ZKSCAN7: variants seen among roughly 807,000 people sequenced by gnomAD.
ZKSCAN7 encodes zinc finger protein with KRAB and SCAN domains 7.
A neutral mutation model predicts 65.3 loss-of-function variants in ZKSCAN7; 38 were observed. The observed-to-expected ratio is 0.58, with a 90% CI of 0.45 to 0.76. The LOEUF (loss-of-function observed/expected upper bound fraction) is 0.76, where lower values mean the gene tolerates loss of function less well. ZKSCAN7 is among the 30% of genes least tolerant of loss of function. ZKSCAN7 has a pLI of 0.00. For missense variants in ZKSCAN7, 815 were observed against 913.3 expected (o/e 0.89, Z 1.39); for synonymous variants, 321 against 321.0 (o/e 1.00, Z 0.00).
chr3:44,562,980 A>C (rs940507667), intron 2 of ZKSCAN7, among the ~76,000 whole-genome samples: 2 of 146,254 alleles, frequency 1.4e-5, no homozygotes, highest in Admixed American at 6.7e-5. Flanking sequence ...AAAAAACAAA[A>C]AAAAAAAAAG....
At chr3:44,574,055 G>C (rs1029411095), downstream of ZKSCAN7, among the ~76,000 whole-genome samples, 1 of 152,070 alleles carries the variant, frequency 6.6e-6, no homozygotes. Flanking sequence ...TAGTTTTAAT[G>C]GTTTTTTAGT....
chr3:44,581,946 G>T (rs531151765), intron 5 of ZKSCAN7, among the ~76,000 whole-genome samples: 1 of 152,280 alleles, frequency 6.6e-6, no homozygotes, highest in South Asian at 2.1e-4. Context: ...ACTACAGAGC[G>T]TGCATTCCTG....
chr3:44,578,090 CA>C, intron 5 of ZKSCAN7: 1 of 1,577,968 alleles, frequency 6.3e-7, no homozygotes, highest in Non-Finnish European at 8.7e-7. Context: ...ATCCGGACAC[CA>C]TGGCACTGTC....
At chr3:44,572,839 G>T (rs534075289), downstream of ZKSCAN7, among the ~76,000 whole-genome samples, 3 of 75,234 alleles carry the variant, frequency 4.0e-5, no homozygotes, top group South Asian at 6.8e-4. Flanking sequence ...AACAGAGCGA[G>T]ACTCTGTCTC....
At position 44,569,890 on chromosome 3, in the gene ZKSCAN7, G is replaced by A. The variant is rs566984170; in HGVS notation, c.812-32G>A. On this transcript the variant is annotated intron_variant, in intron 5 of 5. Coordinates refer to ENST00000426540, the MANE Select transcript of ZKSCAN7 (RefSeq NM_001288590.2). The stretch of plus-strand genomic sequence containing the variant: ...TCTTTCTTAAACAGGATAAGAAATG[G>A]GTAAAAGTTGTTGTCTTCTTTCTTT... The A allele has an allele frequency of 2.7e-6, 4 of 1,507,986 alleles. No individual in the cohort carries two copies. The East Asian group carries it at 6.9e-5, about 26-fold the overall frequency. The allele number at this position is 1,507,986 out of a possible 1,614,324, so 93.4% of individuals were successfully genotyped here.
chr3:44,578,235 T>C (rs1438072198), intron 5 of ZKSCAN7: 2 of 1,545,008 alleles, frequency 1.3e-6, no homozygotes, highest in African/African-American at 2.7e-5. Context: ...GCGTACTTCT[T>C]GTCCCACAGT....
rs1034172269 is a variant in ZKSCAN7 at position 44,565,713 on chromosome 3, T to C, written c.592+58T>C. ...TGCCTCCCTTCTCTCCTCTGGAGTCTCCTTTCCTTTATCTGCCCATCTCCT... is the reference window on the plus strand; with the variant it reads ...TGCCTCCCTTCTCTCCTCTGGAGTCCCCTTTCCTTTATCTGCCCATCTCCT... On this transcript the variant is annotated intron_variant, in intron 3 of 5. Transcript: ENST00000426540. 4 of 1,445,422 alleles carry C rather than the reference T, an allele frequency of 2.8e-6. No homozygotes were observed. The Admixed American group carries it at 1.0e-4, about 37-fold the overall frequency. The allele number at this position is 1,445,422 out of a possible 1,614,324, so 89.5% of individuals were successfully genotyped here.
chr3:44,560,857 T>A (rs1486832241), intron 2 of ZKSCAN7, among the ~76,000 whole-genome samples: 1 of 152,206 alleles, frequency 6.6e-6, no homozygotes, highest in African/African-American at 2.4e-5. Context: ...AAACAGGCAG[T>A]GCAGTAATCA....
At chr3:44,568,503 C>G in intron 5 of ZKSCAN7, 70 bp downstream of exon 5, 3 of 1,549,684 alleles carry the variant, frequency 1.9e-6, no homozygotes, top group Non-Finnish European at 2.6e-6. Context: ...TTCCTTGTCT[C>G]TTTAAACTTT....
At position 44,571,860 on chromosome 3, in the gene ZKSCAN7, T is replaced by A; in HGVS notation, c.*485T>A. Reference sequence around the variant, plus strand: ...GTTTTGTTCCCTATCTAGAAAACATTTTCTTCTGTTTGCTAATCTTTGTCC... The same window carrying A: ...GTTTTGTTCCCTATCTAGAAAACATATTCTTCTGTTTGCTAATCTTTGTCC... On this transcript the variant is annotated 3_prime_UTR_variant, in exon 6 of 6. Transcript: ENST00000426540. 1 of 987,932 alleles carries A rather than the reference T, an allele frequency of 1.0e-6. No individual in the cohort carries two copies. The highest frequency in any genetic ancestry group is 6.0e-5 in the Admixed American group (1 of 16,720). The allele number at this position is 987,932 out of a possible 1,614,324, so 61.2% of individuals were successfully genotyped here. A position where few individuals can be genotyped will look rare whatever the true frequency, so the allele number is the denominator to read the frequency against.
intron 3 of ZKSCAN7, 103 bp from the exon 4 acceptor site, chr3:44,567,809 G>T (rs1699678768): frequency 1.7e-6 from 1 of 584,972 alleles, no homozygotes; most frequent in African/African-American, 1.9e-5. Flanking sequence ...GTCAGTGTGT[G>T]TGGAGGTGCC....
chr3:44,568,215 T>G (rs1052595416), intron 4 of ZKSCAN7, 92 bp from the exon 5 acceptor site: 62 of 1,558,514 alleles, frequency 4.0e-5, no homozygotes, highest in South Asian at 1.1e-4. Flanking sequence ...CTTTTGCCCA[T>G]GAAGAGCCCA....
At chr3:44,567,627 C>G (rs555573458) in intron 3 of ZKSCAN7, among the ~76,000 whole-genome samples, 1 of 152,194 alleles carries the variant, frequency 6.6e-6, no homozygotes, top group African/African-American at 2.4e-5. Flanking sequence ...CTGGCTGGTG[C>G]TAGGGAAACC....
chr3:44,573,691 C>G (rs1329870308), downstream of ZKSCAN7, among the ~76,000 whole-genome samples: 1 of 152,156 alleles, frequency 6.6e-6, no homozygotes, highest in East Asian at 1.9e-4. Context: ...GCACATGGGT[C>G]CAGCCCTCTA....
At chr3:44,557,564 A>G in intron 2 of ZKSCAN7, 94 bp downstream of exon 2, 1 of 1,562,130 alleles carries the variant, frequency 6.4e-7, no homozygotes, top group South Asian at 1.2e-5. Context: ...GCCCTAGGCC[A>G]GTTTGCCTTT....
Position 44,565,601 on chromosome 3 carries a change from C to T in ZKSCAN7, c.538C>T (p.His180Tyr). The change falls in exon 3 of 6, where the codon CAC becomes TAC. Residue 180 changes from histidine (H) to tyrosine (Y), a missense_variant. By Grantham distance (83) the His-to-Tyr change is moderately conservative (BLOSUM62 2). This residue lies in a region of ZKSCAN7 where 227 missense variants were observed against 253.3 expected (regional missense o/e 0.90). Transcript: ENST00000426540. ...CAGTGGGGGCTCAGCCCCTGGAGCC[C>T]ACCTGGAGCCTCCTTATGACCCAGG... ...PLSGGSAPGA[H>Y]LEPPYDPGTH... The T allele has an allele frequency of 6.2e-7, 1 of 1,612,448 alleles. No homozygotes were observed. Among genetic ancestry groups the T allele is most frequent in the African/African-American group, 1.3e-5 (1 of 75,048 alleles).
In ZKSCAN7 at chr3:44,566,507, G is replaced by A. The variant is rs539696069; in HGVS notation, c.592+852G>A. 3.5e-4 allele frequency among the ~76,000 whole-genome samples: 54 copies of A among 152,280 alleles called. 1 individual carries two copies. The highest frequency in any genetic ancestry group is 2.0e-3 in the Admixed American group (30 of 15,294). The stretch of plus-strand genomic sequence containing the variant: ...GAAAAATATTATCATGGAAACATCC[G>A]TGGGACTTGAGTTTGAAAGGGGAGG... On this transcript the variant is annotated intron_variant, in intron 3 of 5. Coordinates refer to ENST00000426540, the MANE Select transcript of ZKSCAN7 (RefSeq NM_001288590.2).
At position 44,571,069 on chromosome 3, in the gene ZKSCAN7, C is replaced by T. The variant is rs1271449885; in HGVS notation, c.1959C>T (p.His653=). Residue 653 remains histidine (H), a synonymous_variant, in exon 6 of 6, where the codon CAC becomes CAT. Transcript: ENST00000426540. Reference sequence around the variant, plus strand: ...ATCAAAACTCACACCTTATTATACACCAGAGAATTCACACTGGTGAGAAAC... The same window carrying T: ...ATCAAAACTCACACCTTATTATACATCAGAGAATTCACACTGGTGAGAAAC... ...SFNQNSHLII[H]QRIHTGEKPY... is the part of the protein sequence containing the mutation. 5 of 1,614,010 alleles carry T rather than the reference C, an allele frequency of 3.1e-6. No homozygotes were observed. The highest frequency in any genetic ancestry group is 1.3e-5 in the African/African-American group (1 of 74,960).
intron 3 of ZKSCAN7, among the ~76,000 whole-genome samples, chr3:44,566,311 A>T (rs1017749392): frequency 6.6e-6 from 1 of 152,164 alleles, no homozygotes; most frequent in South Asian, 2.1e-4. Flanking sequence ...AGGCAGGAAG[A>T]TTTTGGGAGT....
Sources: gnomAD v4.1 joint callset for allele counts (sites outside exome capture counted in the v4.1 genomes callset) on GRCh38, gnomAD v4.1.1 for gene constraint, gnomAD v4.1.1 regional missense constraint, MANE v1.5 for transcripts, NCBI Gene and HGNC (gene_info 2026-07-23, HGNC 2026-07-21) for gene names.